GLYATL3: variants seen among roughly 807,000 people sequenced by gnomAD.
GLYATL3 encodes the protein glycine-N-acyltransferase like 3, also known as glycine N-acyltransferase-like protein 3.
In GLYATL3, 31 loss-of-function variants were observed where a neutral mutation model predicts 28.5. The ratio of observed to expected loss-of-function variants is 1.09; its 90% CI spans 0.82 to 1.47. GLYATL3 has a LOEUF of 1.47. GLYATL3 is among the 40% of genes most tolerant of loss of function. The pLI is 0.00. For missense variants in GLYATL3, 369 were observed against 351.5 expected (o/e 1.05, Z -0.40); for synonymous variants, 141 against 140.2 (o/e 1.01, Z -0.04).
At chr6:49,513,917 C>T (rs1031881695) in intron 2 of GLYATL3, among the ~76,000 whole-genome samples, 1 of 152,096 alleles carries the variant, frequency 6.6e-6, no homozygotes, top group African/African-American at 2.4e-5. Context: ...CCAGCAAGGT[C>T]CCCTTTCTTT....
chr6:49,504,656 T>C (rs969771068), intron 1 of GLYATL3, among the ~76,000 whole-genome samples: 3 of 152,194 alleles, frequency 2.0e-5, no homozygotes, highest in African/African-American at 7.2e-5. Context: ...AAGGTTCTGT[T>C]ACTTTTTTCT....
intron 2 of GLYATL3, among the ~76,000 whole-genome samples, chr6:49,515,038 T>A (rs1173571496): frequency 7.2e-5 from 11 of 152,212 alleles, no homozygotes; most frequent in Non-Finnish European, 1.5e-5. Flanking sequence ...TCAGGCTCCG[T>A]GGACATAATA....
At chr6:49,515,868 G>C in intron 3 of GLYATL3, 108 bp downstream of exon 3, 6 of 470,314 alleles carry the variant, frequency 1.3e-5, no homozygotes, top group South Asian at 2.8e-5. Context: ...TTACAACACT[G>C]TTTCACCATT....
At chr6:49,522,540 T>C (rs1161405093) in intron 5 of GLYATL3, among the ~76,000 whole-genome samples, 2 of 152,204 alleles carry the variant, frequency 1.3e-5, no homozygotes, top group East Asian at 3.8e-4. Flanking sequence ...GGGTACAATG[T>C]GATGTCTTGA....
chr6:49,513,267 C>T (rs1026175026), intron 2 of GLYATL3, among the ~76,000 whole-genome samples: 1 of 151,914 alleles, frequency 6.6e-6, no homozygotes, highest in Non-Finnish European at 1.5e-5. Context: ...ATTAAATATC[C>T]TTCCAAAGTT....
At chr6:49,521,445 G>A (rs1023561655) in intron 4 of GLYATL3, among the ~76,000 whole-genome samples, 200 bp from the exon 5 acceptor site, 1 of 152,076 alleles carries the variant, frequency 6.6e-6, no homozygotes, top group African/African-American at 2.4e-5. Flanking sequence ...CAACATCATG[G>A]GAATTTGAAA....
intron 3 of GLYATL3, 125 bp from the exon 4 acceptor site, chr6:49,517,305 T>A (rs1434567995): frequency 1.5e-6 from 1 of 653,366 alleles, no homozygotes; most frequent in African/African-American, 1.9e-5. Flanking sequence ...TTTATAGGGG[T>A]CTAATTTTGT....
At chr6:49,504,231 T>G (rs1768968159) in intron 1 of GLYATL3, among the ~76,000 whole-genome samples, 1 of 54,476 alleles carries the variant, frequency 1.8e-5, no homozygotes, top group Non-Finnish European at 3.9e-5. Flanking sequence ...CTTTTCTTTT[T>G]TTCTTTTTCT....
chr6:49,517,261 C>A (rs1485794749), intron 3 of GLYATL3, among the ~76,000 whole-genome samples, 169 bp from the exon 4 acceptor site: 1 of 151,966 alleles, frequency 6.6e-6, no homozygotes, highest in Non-Finnish European at 1.5e-5. Context: ...CCCCTCACTA[C>A]AGCATATTAG....
At chr6:49,510,234 G>T (rs1256559997) in intron 1 of GLYATL3, among the ~76,000 whole-genome samples, 1 of 151,700 alleles carries the variant, frequency 6.6e-6, no homozygotes, top group East Asian at 1.9e-4. Flanking sequence ...TAGAGACAGG[G>T]TTTCTCCATG....
At chr6:49,509,260 T>C (rs1448710739) in intron 1 of GLYATL3, among the ~76,000 whole-genome samples, 2 of 152,200 alleles carry the variant, frequency 1.3e-5, no homozygotes, top group East Asian at 1.9e-4. Context: ...TGAAACATTG[T>C]TCCAAGTAGA....
chr6:49,511,972 T>G lies in GLYATL3; in HGVS notation c.-19T>G, dbSNP rs1468116395. The G allele has an allele frequency of 7.5e-7, 1 of 1,337,670 alleles. No individual in the cohort carries two copies. Among genetic ancestry groups the G allele is most frequent in the Non-Finnish European group, 1.0e-6 (1 of 965,958 alleles). 82.9% of individuals were successfully genotyped at this position (1,337,670 alleles called of 1,614,324 possible). On this transcript the variant is annotated 5_prime_UTR_variant, in exon 2 of 6. Transcript: ENST00000371197. ...TCAAGTTTCTAATTAGGTGTGGAGTTGCAAGAGCTCTGGAAAAGATGTTGG... is the reference window on the plus strand; with the variant it reads ...TCAAGTTTCTAATTAGGTGTGGAGTGGCAAGAGCTCTGGAAAAGATGTTGG...
At chr6:49,512,281 TTTC>T (rs1769136656) in intron 2 of GLYATL3, among the ~76,000 whole-genome samples, 2 of 140,170 alleles carry the variant, frequency 1.4e-5, no homozygotes, top group South Asian at 2.3e-4. Context: ...TTTTTTTTTC[TTTC>T]TTTTTTTTTT....
At chr6:49,509,188 C>T (rs1165463727) in intron 1 of GLYATL3, among the ~76,000 whole-genome samples, 2 of 152,046 alleles carry the variant, frequency 1.3e-5, no homozygotes, top group African/African-American at 4.8e-5. Context: ...GCTGCAAGTA[C>T]AATTGATTCT....
intron 1 of GLYATL3, among the ~76,000 whole-genome samples, chr6:49,508,652 G>T (rs1024532928): frequency 6.6e-6 from 1 of 152,166 alleles, no homozygotes; most frequent in Admixed American, 6.5e-5. Flanking sequence ...TCTTGGTGAC[G>T]TGAAACCTCC....
At chr6:49,503,742 A>C (rs1768957274) in intron 1 of GLYATL3, among the ~76,000 whole-genome samples, 1 of 152,210 alleles carries the variant, frequency 6.6e-6, no homozygotes, top group African/African-American at 2.4e-5. Context: ...ATATAATCAG[A>C]GATTCATGTT....
In GLYATL3 at chr6:49,501,761, T is replaced by C. The variant is rs138844360; in HGVS notation, c.-29+1719T>C. Among the ~76,000 whole-genome samples the C allele has an allele frequency of 6.8e-3, 1,035 of 152,282 alleles. 11 individuals are homozygous for C. Among genetic ancestry groups the C allele is most frequent in the African/African-American group, 0.022 (911 of 41,536 alleles). ...CCAGAAATCCTCAGAAGGAAATATG[T>C]CTTAACCCTAAAGAGGCCTAGAAGA... On this transcript the variant is annotated intron_variant, in intron 1 of 5. Coordinates refer to ENST00000371197, the MANE Select transcript of GLYATL3 (RefSeq NM_001010904.2).
At position 49,526,546 on chromosome 6, in the gene GLYATL3, C is replaced by G; in HGVS notation, c.499C>G (p.Arg167Gly). 2 of 1,551,784 alleles carry G rather than the reference C, an allele frequency of 1.3e-6. No homozygotes were observed. The highest frequency in any genetic ancestry group is 2.4e-5 in the East Asian group (1 of 40,916). Residue 167 changes from arginine (R) to glycine (G), a missense_variant, in exon 6 of 6, where the codon CGG (arginine) becomes GGG (glycine). By Grantham distance (125) the Arg-to-Gly change is moderately radical. Transcript: ENST00000371197. ...LSVANADLLN[R>G]TWSRGGNEQC... ...TGTTGCCAATGCGGATCTACTCAAC[C>G]GGACTTGGTCCCGGGGAGGCAATGA... is the stretch of plus-strand genomic sequence containing the variant.
At chr6:49,514,532 A>G (rs1318279360) in intron 2 of GLYATL3, among the ~76,000 whole-genome samples, 3 of 152,194 alleles carry the variant, frequency 2.0e-5, no homozygotes, top group Admixed American at 1.3e-4. Context: ...CATCTTTCTT[A>G]GTAGATAAAA....
Sources: gnomAD v4.1 joint callset for allele counts (sites outside exome capture counted in the v4.1 genomes callset) on GRCh38, gnomAD v4.1.1 for gene constraint, MANE v1.5 for transcripts, NCBI Gene and HGNC (gene_info 2026-07-23, HGNC 2026-07-21) for gene names.